The following NEMP2 variants were observed in gnomAD, a reference collection of about 807,000 sequenced individuals.
NEMP2 encodes UPF0571 transmembrane protein.
In NEMP2, 53 loss-of-function variants were observed where a neutral mutation model predicts 54.2. The observed-to-expected ratio is 0.98, with a 90% CI of 0.78 to 1.23. The LOEUF is 1.23. NEMP2 is among the 50% of genes most tolerant of loss of function. NEMP2 has a pLI of 0.00. For synonymous variants in NEMP2, 197 were observed against 190.3 expected (o/e 1.04, Z -0.29); for missense variants, 455 against 511.3 (o/e 0.89, Z 1.06).
the NEMP2 span, among the ~76,000 whole-genome samples, chr2:190,451,980 A>T: frequency 6.6e-6 from 1 of 152,166 alleles, no homozygotes; most frequent in Non-Finnish European, 1.5e-5. This position sits in a 1 kb window ranked among gnomAD's most constrained non-coding sequence, Gnocchi z 5.0. Flanking sequence ...GTTTTAGAGA[A>T]ATTACAAGCT....
At chr2:190,577,819 C>A in the NEMP2 span, among the ~76,000 whole-genome samples, 1 of 152,032 alleles carries the variant, frequency 6.6e-6, no homozygotes, top group Non-Finnish European at 1.5e-5. The surrounding 1 kb of genome is among the most constrained non-coding windows in gnomAD (Gnocchi z 4.8). Flanking sequence ...GTTGCAGTGA[C>A]CCGAGATTGC....
chr2:190,582,619 C>T, the NEMP2 span, among the ~76,000 whole-genome samples: 1 of 152,210 alleles, frequency 6.6e-6, no homozygotes, highest in Non-Finnish European at 1.5e-5. The surrounding 1 kb of genome is among the most constrained non-coding windows in gnomAD (Gnocchi z 4.6). Flanking sequence ...TTTAAAACTT[C>T]TGCACATTTG....
chr2:190,582,125 C>T, the NEMP2 span, among the ~76,000 whole-genome samples: 2 of 152,164 alleles, frequency 1.3e-5, no homozygotes, highest in Admixed American at 1.3e-4. The surrounding 1 kb of genome is among the most constrained non-coding windows in gnomAD (Gnocchi z 4.6). Context: ...GTGGCTTACA[C>T]AACAAAAGTT....
At chr2:190,472,241 A>C in the NEMP2 span, among the ~76,000 whole-genome samples, 1 of 152,250 alleles carries the variant, frequency 6.6e-6, no homozygotes, top group African/African-American at 2.4e-5. Flanking sequence ...CTGGACAGAG[A>C]ATGACTTTGA....
chr2:190,441,377 G>A, the NEMP2 span, among the ~76,000 whole-genome samples: 6 of 148,956 alleles, frequency 4.0e-5, no homozygotes, highest in East Asian at 2.0e-4. Context: ...GGCATTCAAC[G>A]TTTTTACAGC....
At chr2:190,534,322 G>A (rs1211601731) in intron 1 of NEMP2, 3 of 1,188,524 alleles carry the variant, frequency 2.5e-6, no homozygotes, top group Non-Finnish European at 3.1e-6. Flanking sequence ...GGATCGCGCG[G>A]TTGCTTCTAA....
Position 190,509,207 on chromosome 2 carries a change from A to G in NEMP2, c.1236T>C (p.Phe412=). ...TCGCATGTCAGGCAGTACTCGGGTT[A>G]AAGAGCTGCTCTTCCAAGAAGGCAC... is the stretch of plus-strand genomic sequence containing the variant. ...LGGAFLEEQL[F]NPSTA The change falls in exon 9 of 9, where the codon TTT becomes TTC. Residue 412 remains phenylalanine, a synonymous_variant. Transcript: ENST00000409150. The surrounding 1 kb of genome is among the most constrained non-coding windows in gnomAD (Gnocchi z 6.1). 6.4e-7 allele frequency: 1 copy of G among 1,551,718 alleles called. No homozygotes were observed. Among genetic ancestry groups the G allele is most frequent in the Admixed American group, 2.0e-5 (1 of 51,010 alleles).
chr2:190,598,988 C>T, the NEMP2 span, among the ~76,000 whole-genome samples: 35,230 of 151,982 alleles, frequency 0.23, 5,205 homozygotes, highest in Non-Finnish European at 0.33. Context: ...GCTCTCTAGG[C>T]CCCTTTTTCT....
At chr2:190,617,474 T>A in the NEMP2 span, among the ~76,000 whole-genome samples, 1 of 152,204 alleles carries the variant, frequency 6.6e-6, no homozygotes, top group Non-Finnish European at 1.5e-5. The surrounding 1 kb of genome is among the most constrained non-coding windows in gnomAD (Gnocchi z 5.0). Context: ...CTCCCACCCC[T>A]ACCCTTCCAC....
Position 190,530,147 on chromosome 2 carries a change from G to C in NEMP2, c.97+4412C>G, listed in dbSNP as rs376268328. On this transcript the variant is annotated intron_variant, in intron 1 of 8. Coordinates refer to ENST00000409150, the MANE Select transcript of NEMP2 (RefSeq NM_001142645.2). The surrounding 1 kb of genome is among the most constrained non-coding windows in gnomAD (Gnocchi z 4.6). ...AGAACTTGTTCTGCATTTCCCCTCA[G>C]TCTTCAACCAGATTAAGGACAGCAT... Among the ~76,000 whole-genome samples, 1 of 152,194 alleles carries C rather than the reference G, an allele frequency of 6.6e-6. No individual in the cohort carries two copies. The highest frequency in any genetic ancestry group is 2.4e-5 in the African/African-American group (1 of 41,450).
chr2:190,606,084 C>T, the NEMP2 span, among the ~76,000 whole-genome samples: 7 of 152,312 alleles, frequency 4.6e-5, no homozygotes, highest in African/African-American at 9.6e-5. Flanking sequence ...TCCAGTCTTG[C>T]GCTTGTGATT....
the NEMP2 span, among the ~76,000 whole-genome samples, chr2:190,473,112 G>A: frequency 2.0e-5 from 3 of 152,122 alleles, no homozygotes; most frequent in South Asian, 2.1e-4. Context: ...GGAACAACCG[G>A]TACCAGCTAC....
chr2:190,568,413 A>C, the NEMP2 span, among the ~76,000 whole-genome samples: 5 of 152,268 alleles, frequency 3.3e-5, no homozygotes, highest in African/African-American at 9.6e-5. This position sits in a 1 kb window ranked among gnomAD's most constrained non-coding sequence, Gnocchi z 4.7. Flanking sequence ...ATGCAAACAA[A>C]TAAAATAATA....
At chr2:190,586,594 T>G in the NEMP2 span, among the ~76,000 whole-genome samples, 1 of 152,198 alleles carries the variant, frequency 6.6e-6, no homozygotes, top group Non-Finnish European at 1.5e-5. This position sits in a 1 kb window ranked among gnomAD's most constrained non-coding sequence, Gnocchi z 4.5. Flanking sequence ...GTTATATCAG[T>G]AGATAAAATG....
At chr2:190,646,959 C>T in the NEMP2 span, 5 of 152,272 alleles carry the variant, frequency 3.3e-5, 1 homozygote, top group African/African-American at 7.2e-5. Context: ...GTTTGCAAAA[C>T]ATCAAGATTC....
In NEMP2 at chr2:190,527,390, G is replaced by A. The variant is rs533014735; in HGVS notation, c.98-2012C>T. 1.3e-5 allele frequency among the ~76,000 whole-genome samples: 2 copies of A among 152,278 alleles called. No homozygotes were observed. The highest frequency in any genetic ancestry group is 1.3e-4 in the Admixed American group (2 of 15,290). ...GACAGACTTGGGGAAAGGATCCTGGGAATGCTCGCCATCTCCCAGAACACA... is the reference window on the plus strand; with the variant it reads ...GACAGACTTGGGGAAAGGATCCTGGAAATGCTCGCCATCTCCCAGAACACA... On this transcript the variant is annotated intron_variant, in intron 1 of 8. Transcript: ENST00000409150. This position sits in a 1 kb window ranked among gnomAD's most constrained non-coding sequence, Gnocchi z 4.0.
chr2:190,645,351 A>T, the NEMP2 span, among the ~76,000 whole-genome samples: 1 of 152,200 alleles, frequency 6.6e-6, no homozygotes, highest in African/African-American at 2.4e-5. Context: ...TAATTTATTT[A>T]AAAATAAATT....
the NEMP2 span, among the ~76,000 whole-genome samples, chr2:190,433,819 T>G: frequency 6.6e-6 from 1 of 152,170 alleles, no homozygotes; most frequent in Non-Finnish European, 1.5e-5. This position sits in a 1 kb window ranked among gnomAD's most constrained non-coding sequence, Gnocchi z 4.5. Context: ...TTTCAGAATG[T>G]TATTCATTTT....
the NEMP2 span, among the ~76,000 whole-genome samples, chr2:190,424,234 T>G: frequency 5.2e-5 from 6 of 115,912 alleles, no homozygotes; most frequent in Admixed American, 4.7e-4. The surrounding 1 kb of genome is among the most constrained non-coding windows in gnomAD (Gnocchi z 5.9). Flanking sequence ...ATTTTCTTCT[T>G]CTTTTTTTTT....
Sources: allele counts gnomAD v4.1 joint callset (sites outside exome capture counted in the v4.1 genomes callset), GRCh38; gene constraint gnomAD v4.1.1; non-coding constraint Gnocchi (gnomAD v3.1); transcripts MANE v1.5; gene names NCBI Gene and HGNC (gene_info 2026-07-23, HGNC 2026-07-21).